The following AK9 variants were observed in gnomAD, a reference collection of about 807,000 sequenced individuals.
AK9 encodes adenylate kinase domain containing 1.
AK9 carries 191 observed loss-of-function variants against 239.6 expected under a neutral mutation model. That is an observed-to-expected ratio of 0.80 (90% CI 0.71 to 0.90). The LOEUF (loss-of-function observed/expected upper bound fraction) is 0.90. Ranked by LOEUF, AK9 falls within the 40% of genes least tolerant of loss-of-function variation. The pLI is 0.00. For missense variants in AK9, 1,995 were observed against 2,214.7 expected, an observed-to-expected ratio of 0.90 and a Z score of 1.99; for synonymous variants, 689 against 721.0, an observed-to-expected ratio of 0.96 and a Z score of 0.71.
chr6:109,678,960 C>T (rs1285886352), intron 1 of AK9, among the ~76,000 whole-genome samples: 2 of 152,324 alleles, frequency 1.3e-5, no homozygotes, highest in East Asian at 1.9e-4. Context: ...CTTCACAACC[C>T]GCAGACCAGG....
chr6:109,613,893 A>G (rs1793860311), intron 15 of AK9, among the ~76,000 whole-genome samples: 1 of 152,120 alleles, frequency 6.6e-6, no homozygotes, highest in African/African-American at 2.4e-5. Flanking sequence ...AGAGCTTTTA[A>G]AAAGAATTTA....
At chr6:109,516,166 C>T (rs1156537808) in intron 30 of AK9, 91 bp from the exon 31 acceptor site, 1 of 1,117,658 alleles carries the variant, frequency 8.9e-7, no homozygotes, top group African/African-American at 1.6e-5. Context: ...TGGTGACTGA[C>T]TACTTCAGTC....
At position 109,601,623 on chromosome 6, in the gene AK9, C is replaced by G. The variant is rs540001491; in HGVS notation, c.1842+8742G>C. 2.0e-5 allele frequency among the ~76,000 whole-genome samples: 3 copies of G among 151,564 alleles called. No homozygotes were observed. The South Asian group carries it at 6.3e-4, about 32-fold the overall frequency. ...CTTGGTGTAGAGCTGAGTTCAATTC[C>G]TGGATATTCTTGTTAACTTTCTGTC... On this transcript the variant is annotated intron_variant, in intron 17 of 40. Coordinates refer to ENST00000424296, the MANE Select transcript of AK9 (RefSeq NM_001145128.3).
rs1430150582 is a variant in AK9 at position 109,506,282 on chromosome 6, A to G, written c.4849+45T>C. ...AGTAACATGAGTCAGGCATGTTTACACTTGAAATTAATATTTTATTCTACC... is the reference window on the plus strand; with the variant it reads ...AGTAACATGAGTCAGGCATGTTTACGCTTGAAATTAATATTTTATTCTACC... On this transcript the variant is annotated intron_variant, in intron 35 of 40. Coordinates refer to ENST00000424296, the MANE Select transcript of AK9 (RefSeq NM_001145128.3). The G allele has an allele frequency of 2.3e-5, 36 of 1,564,964 alleles. No homozygotes were observed. The East Asian group carries it at 7.6e-4, about 33-fold the overall frequency.
chr6:109,503,133 A>G (rs1777761911), intron 35 of AK9, among the ~76,000 whole-genome samples: 1 of 152,064 alleles, frequency 6.6e-6, no homozygotes, highest in East Asian at 1.9e-4. Flanking sequence ...TTACACTACT[A>G]TGATACTATA....
chr6:109,570,288 G>A (rs1483212953), intron 21 of AK9, among the ~76,000 whole-genome samples: 3 of 152,028 alleles, frequency 2.0e-5, no homozygotes, highest in East Asian at 3.9e-4. Context: ...CGTGGGGTGG[G>A]GGAAGGGGGG....
chr6:109,570,808 C>A (rs1183330046), intron 21 of AK9, among the ~76,000 whole-genome samples: 2 of 152,108 alleles, frequency 1.3e-5, no homozygotes, highest in African/African-American at 4.8e-5. Flanking sequence ...TTGAGCTAGA[C>A]AAAGATTGTG....
intron 31 of AK9, among the ~76,000 whole-genome samples, chr6:109,515,648 T>C (rs1287003322): frequency 1.3e-5 from 2 of 152,184 alleles, no homozygotes; most frequent in South Asian, 2.1e-4. Context: ...GGTAGGGGTG[T>C]CTGCTCTATG....
intron 35 of AK9, among the ~76,000 whole-genome samples, chr6:109,501,158 T>C (rs1281858258): frequency 6.6e-6 from 1 of 152,236 alleles, no homozygotes; most frequent in Non-Finnish European, 1.5e-5. Context: ...TAAATAGCCA[T>C]ATGTCAGCTC....
intron 24 of AK9, 23 bp from the exon 25 acceptor site, chr6:109,550,325 GGA>G: frequency 6.3e-7 from 1 of 1,580,840 alleles, no homozygotes; most frequent in Non-Finnish European, 8.6e-7. Flanking sequence ...TTCAAAGTTT[GGA>G]GAACATTAAA....
chr6:109,644,684 A>G lies in AK9; in HGVS notation c.764T>C (p.Val255Ala). ...KETILQTLEE[V>A]MAEHNPQYLI... The stretch of plus-strand genomic sequence containing the variant: ...ATACTGGGGATTGTGTTCAGCCATT[A>G]CTTCCTGCAGATAATAGAAAAGAAA... Residue 255 changes from valine (V) to alanine (A), a missense_variant, in exon 9 of 41, where the codon GTA (valine) becomes GCA (alanine). Val to Ala is a moderately conservative substitution (Grantham distance 64). This residue lies in a region of AK9 where 1,290 missense variants were observed against 1,392.7 expected (regional missense o/e 0.93). Transcript: ENST00000424296. The G allele has an allele frequency of 6.2e-7, 1 of 1,610,296 alleles. No homozygotes were observed. The highest frequency in any genetic ancestry group is 8.5e-7 in the Non-Finnish European group (1 of 1,179,128).
intron 24 of AK9, among the ~76,000 whole-genome samples, chr6:109,552,842 T>C (rs370141625): frequency 1.1e-4 from 16 of 152,160 alleles, no homozygotes; most frequent in Admixed American, 9.8e-4. Context: ...TTTTGGGTTA[T>C]ACATTTAAGT....
chr6:109,497,360 A>ATCTCT, intron 38 of AK9, 105 bp downstream of exon 38: 1 of 552,778 alleles, frequency 1.8e-6, no homozygotes, highest in South Asian at 1.9e-5. Flanking sequence ...ACACACACAC[A>ATCTCT]CACTCTCTCT....
intron 20 of AK9, among the ~76,000 whole-genome samples, chr6:109,577,125 C>T (rs1016731796): frequency 1.4e-4 from 21 of 152,022 alleles, no homozygotes; most frequent in Admixed American, 9.8e-4. Context: ...CCACTGTGCC[C>T]GGCCATAGAT....
intron 7 of AK9, 117 bp from the exon 8 acceptor site, chr6:109,657,001 G>C: frequency 2.5e-6 from 3 of 1,204,740 alleles, no homozygotes; most frequent in Non-Finnish European, 3.5e-6. Flanking sequence ...CAGGGGGAGG[G>C]GACGATTAAA....
intron 12 of AK9, among the ~76,000 whole-genome samples, chr6:109,623,862 GACACACACAC>G (rs567410173): frequency 1.6e-3 from 213 of 136,184 alleles, no homozygotes; most frequent in African/African-American, 4.7e-3. Context: ...AGGAATCTTA[GACACACACAC>G]ACACACACAC....
intron 24 of AK9, among the ~76,000 whole-genome samples, chr6:109,550,870 TA>T (rs1354569198): frequency 7.9e-5 from 12 of 152,178 alleles, no homozygotes; most frequent in Non-Finnish European, 8.8e-5. Context: ...GAAATACACT[TA>T]AAAAATGTTT....
At chr6:109,538,025 C>G (rs1360207986) in intron 27 of AK9, among the ~76,000 whole-genome samples, 1 of 152,102 alleles carries the variant, frequency 6.6e-6, no homozygotes, top group African/African-American at 2.4e-5. Flanking sequence ...TTACTTCCAA[C>G]TATGTGGTCA....
chr6:109,567,178 G>T (rs1374706840), intron 21 of AK9, among the ~76,000 whole-genome samples: 1 of 152,038 alleles, frequency 6.6e-6, no homozygotes, highest in African/African-American at 2.4e-5. Context: ...TTGATAGACT[G>T]CTAGCAAGAC....
Sources: allele counts gnomAD v4.1 joint callset (sites outside exome capture counted in the v4.1 genomes callset), GRCh38; gene constraint gnomAD v4.1.1; regional missense constraint gnomAD v4.1.1; transcripts MANE v1.5; gene names NCBI Gene and HGNC (gene_info 2026-07-23, HGNC 2026-07-21).